Variants in HMGN5 observed in about 807,000 individuals in gnomAD.
The protein encoded by HMGN5 is high mobility group nucleosome binding domain 5.
A neutral mutation model predicts 9.5 loss-of-function variants in HMGN5; 4 were observed. The ratio of observed to expected loss-of-function variants is 0.42; its 90% CI spans 0.21 to 0.96. HMGN5 has a LOEUF of 0.96. Among genes scored for constraint, HMGN5 ranks in the 40% least tolerant of loss-of-function variants. HMGN5 has a pLI of 0.30. For missense variants in HMGN5, 192 were observed against 187.5 expected, an observed-to-expected ratio of 1.02 and a Z score of -0.14; for synonymous variants, 55 against 57.1, an observed-to-expected ratio of 0.96 and a Z score of 0.16.
chrX:81,129,392 C>T (rs965218109), intron 1 of HMGN5, among the ~76,000 whole-genome samples: 2 of 111,446 alleles, frequency 1.8e-5, no homozygotes, highest in East Asian at 5.7e-4. Flanking sequence ...TGAAGCTGAA[C>T]ATTTTTTCAT....
intron 1 of HMGN5, among the ~76,000 whole-genome samples, chrX:81,188,791 A>G: frequency 9.0e-6 from 1 of 110,922 alleles, no homozygotes; most frequent in Non-Finnish European, 1.9e-5. Context: ...CCATGTCCCT[A>G]CAAAGGACAT....
At chrX:81,170,143 A>G (rs1423086764) in intron 1 of HMGN5, among the ~76,000 whole-genome samples, 1 of 109,471 alleles carries the variant, frequency 9.1e-6, no homozygotes. Context: ...CTTAAGAGGC[A>G]ATGGATTCCA....
chrX:81,144,576 C>T (rs919341037), intron 1 of HMGN5, among the ~76,000 whole-genome samples: 8 of 111,589 alleles, frequency 7.2e-5, no homozygotes, highest in East Asian at 5.7e-4. Flanking sequence ...AATTTCAAAA[C>T]GCAGAACACC....
intron 1 of HMGN5, among the ~76,000 whole-genome samples, chrX:81,173,968 G>T (rs927497469): frequency 1.8e-5 from 2 of 111,338 alleles, no homozygotes; most frequent in Admixed American, 1.9e-4. Context: ...AACTCCTGGA[G>T]ATATGTGTTA....
intron 1 of HMGN5, among the ~76,000 whole-genome samples, chrX:81,178,199 A>T (rs1223967875): frequency 9.0e-6 from 1 of 111,692 alleles, no homozygotes; most frequent in African/African-American, 3.3e-5. Flanking sequence ...GCAGAAGGCA[A>T]GAAATAACTA....
chrX:81,134,624 G>A (rs368912050), intron 1 of HMGN5, among the ~76,000 whole-genome samples: 3 of 110,997 alleles, frequency 2.7e-5, no homozygotes, highest in Non-Finnish European at 3.8e-5. Flanking sequence ...TTAACACATC[G>A]ATACATTTAT....
At chrX:81,184,384 T>C (rs1412100391) in intron 1 of HMGN5, among the ~76,000 whole-genome samples, 3 of 111,741 alleles carry the variant, frequency 2.7e-5, no homozygotes, top group Non-Finnish European at 5.6e-5. Context: ...ACTGAGCAGA[T>C]GCCAGAATCA....
At chrX:81,138,298 C>T (rs1407183352) in intron 1 of HMGN5, among the ~76,000 whole-genome samples, 3 of 111,515 alleles carry the variant, frequency 2.7e-5, no homozygotes, top group African/African-American at 9.8e-5. Flanking sequence ...GAACATTTGG[C>T]TCAATTAAAG....
In HMGN5 at chrX:81,153,473, G is replaced by T. The variant is rs772082514; in HGVS notation, c.-123-31801C>A. On this transcript the variant is annotated intron_variant, in intron 1 of 6. Transcript: ENST00000358130. ...GGAGGCTGAGGCACAAGAATTGCTT[G>T]AACCTGGGAGGCAAAGGTTGCAGTG... Among the ~76,000 whole-genome samples the T allele has an allele frequency of 4.2e-3, 410 of 98,269 alleles. 1 individual carries two copies. The highest frequency in any genetic ancestry group is 7.5e-3 in the Non-Finnish European group (368 of 48,963). 85.3% of individuals were successfully genotyped at this position (98,269 alleles called of 115,157 possible).
intron 1 of HMGN5, among the ~76,000 whole-genome samples, chrX:81,171,324 A>G (rs1478541750): frequency 1.8e-5 from 2 of 111,662 alleles, no homozygotes; most frequent in African/African-American, 6.5e-5. Context: ...TGAAGTTAAC[A>G]CCTGAAAATA....
At chrX:81,127,014 A>G (rs1054906959) in intron 1 of HMGN5, among the ~76,000 whole-genome samples, 2 of 111,818 alleles carry the variant, frequency 1.8e-5, no homozygotes, top group Middle Eastern at 4.6e-3. Flanking sequence ...TTAATATGAT[A>G]GGAACGTTTA....
At chrX:81,187,468 C>T (rs2075480751) in intron 1 of HMGN5, among the ~76,000 whole-genome samples, 1 of 109,662 alleles carries the variant, frequency 9.1e-6, no homozygotes, top group African/African-American at 3.5e-5. Context: ...TTTGTTCCTT[C>T]TTATAGAATT....
rs191129782 is a variant in HMGN5 at position 81,171,820 on chromosome X, C to T, written c.-124+29917G>A. ...CATTCCAATCACACTGGTTCAGGGT[C>T]ATTGTACATATTGTACCCAAATTAT... On this transcript the variant is annotated intron_variant, in intron 1 of 6. Coordinates refer to ENST00000358130, the MANE Select transcript of HMGN5 (RefSeq NM_030763.3). 7.2e-5 allele frequency among the ~76,000 whole-genome samples: 8 copies of T among 111,159 alleles called. No individual in the cohort carries two copies. The East Asian group carries it at 2.0e-3, about 27-fold the overall frequency.
At chrX:81,176,410 C>G (rs191744417) in intron 1 of HMGN5, among the ~76,000 whole-genome samples, 2 of 111,388 alleles carry the variant, frequency 1.8e-5, no homozygotes, top group African/African-American at 6.5e-5. Context: ...TCACCAGCAA[C>G]GGAGCAAAGC....
rs953438135 is a variant in HMGN5, at chrX:81,113,988, A to G, written c.*661T>C. ...AATTTTATGTCAGTGAATATTAAAT[A>G]TTTTCATGAATAACACAATAGAAAA... On this transcript the variant is annotated 3_prime_UTR_variant, in exon 7 of 7. Coordinates refer to ENST00000358130, the MANE Select transcript of HMGN5 (RefSeq NM_030763.3). 8.9e-6 allele frequency: 1 copy of G among 111,949 alleles called. No homozygotes were observed. The highest frequency in any genetic ancestry group is 3.2e-5 in the African/African-American group (1 of 30,852). 9.2% of individuals were successfully genotyped at this position (111,949 alleles called of 1,213,427 possible). A position where few individuals can be genotyped will look rare whatever the true frequency, so the allele number is the denominator to read the frequency against.
chrX:81,142,398 G>A (rs1162242904), intron 1 of HMGN5, among the ~76,000 whole-genome samples: 1 of 111,671 alleles, frequency 9.0e-6, no homozygotes, highest in African/African-American at 3.2e-5. Context: ...ACTCAAAGAA[G>A]ACTACCTCAG....
At chrX:81,178,324 A>T (rs780365606) in intron 1 of HMGN5, among the ~76,000 whole-genome samples, 1 of 111,821 alleles carries the variant, frequency 8.9e-6, no homozygotes, top group South Asian at 3.7e-4. Flanking sequence ...AAGACTAATA[A>T]AGAAGAAAAG....
At chrX:81,174,529 C>A (rs1036741629) in intron 1 of HMGN5, among the ~76,000 whole-genome samples, 34 of 111,199 alleles carry the variant, frequency 3.1e-4, no homozygotes, top group African/African-American at 9.1e-4. Flanking sequence ...TAAAGTTTGT[C>A]CTCAGGGAGG....
intron 1 of HMGN5, among the ~76,000 whole-genome samples, chrX:81,176,754 C>G (rs1235630981): frequency 9.0e-6 from 1 of 111,331 alleles, no homozygotes; most frequent in Non-Finnish European, 1.9e-5. Context: ...AACAAACGAA[C>G]AAAGCCTCCA....
Sources: allele counts gnomAD v4.1 joint callset (sites outside exome capture counted in the v4.1 genomes callset), GRCh38; gene constraint gnomAD v4.1.1; transcripts MANE v1.5; gene names NCBI Gene and HGNC (gene_info 2026-07-23, HGNC 2026-07-21).